GDAP2: variants seen among roughly 807,000 people sequenced by gnomAD.
GDAP2 encodes ganglioside induced differentiation associated protein 2, also known as ganglioside-induced differentiation-associated protein 2.
In GDAP2, 51 loss-of-function variants were observed where a neutral mutation model predicts 67.0. The ratio of observed to expected loss-of-function variants is 0.76; its 90% confidence interval spans 0.61 to 0.96. The LOEUF (loss-of-function observed/expected upper bound fraction) is 0.96. Ranked by LOEUF, GDAP2 falls within the 40% of genes least tolerant of loss-of-function variation. The pLI, the probability that GDAP2 is intolerant of heterozygous loss-of-function variation, is 0.00. For missense variants in GDAP2, 547 were observed against 588.3 expected, an observed-to-expected ratio of 0.93 and a Z score of 0.73; for synonymous variants, 203 against 207.3, an observed-to-expected ratio of 0.98 and a Z score of 0.18.
At chr1:117,871,577 C>T (rs149471762) in intron 13 of GDAP2, among the ~76,000 whole-genome samples, 213 of 152,190 alleles carry the variant, frequency 1.4e-3, no homozygotes, top group African/African-American at 4.1e-3. Context: ...TTAAACCTAC[C>T]GGGTCTTGAA....
intron 8 of GDAP2, among the ~76,000 whole-genome samples, chr1:117,893,760 T>C (rs565958457): frequency 6.6e-6 from 1 of 152,334 alleles, no homozygotes; most frequent in East Asian, 1.9e-4. Flanking sequence ...CTAAAACTTT[T>C]TGGTCTCAGG....
chr1:117,926,468 T>C (rs181990783), intron 1 of GDAP2, among the ~76,000 whole-genome samples: 2 of 152,234 alleles, frequency 1.3e-5, no homozygotes, highest in African/African-American at 4.8e-5. Flanking sequence ...ATAGCTCTTA[T>C]TGTAGGACAA....
intron 3 of GDAP2, among the ~76,000 whole-genome samples, chr1:117,914,529 A>T (rs1026393758): frequency 6.6e-6 from 1 of 152,168 alleles, no homozygotes; most frequent in Non-Finnish European, 1.5e-5. Context: ...GGAAATTATT[A>T]ATGAAATAAA....
At position 117,866,959 on chromosome 1, in the gene GDAP2, A is replaced by G. The variant is rs1212737359; in HGVS notation, c.*3610T>C. The G allele has an allele frequency of 6.6e-6, 1 of 152,150 alleles. No homozygotes were observed. Among genetic ancestry groups the G allele is most frequent in the Non-Finnish European group, 1.5e-5 (1 of 68,036 alleles). The allele number at this position is 152,150 out of a possible 1,614,324, so 9.4% of individuals were successfully genotyped here. ...TCCTGCAGTTCTTTTGGTCCTTAAT[A>G]CAATCAATCCACTGCCACTAGAACC... is the stretch of plus-strand genomic sequence containing the variant. On this transcript the variant is annotated 3_prime_UTR_variant, in exon 14 of 14. Transcript: ENST00000369443.
chr1:117,877,833 A>AT, intron 13 of GDAP2, 176 bp downstream of exon 13: 1 of 1,262,418 alleles, frequency 7.9e-7, no homozygotes, highest in East Asian at 3.0e-5. Flanking sequence ...CTTGGGACAA[A>AT]TCCTTTTCCT....
In GDAP2 at chr1:117,864,927, C is replaced by G. The variant is rs559173566; in HGVS notation, c.*5642G>C. The G allele has an allele frequency of 6.6e-5, 10 of 152,260 alleles. No homozygotes were observed. In the East Asian group the frequency reaches 1.9e-3, roughly 29 times the overall value. 9.4% of individuals were successfully genotyped at this position (152,260 alleles called of 1,614,324 possible). On this transcript the variant is annotated 3_prime_UTR_variant, in exon 14 of 14. Coordinates refer to ENST00000369443, the MANE Select transcript of GDAP2 (RefSeq NM_017686.4). Reference sequence around the variant, plus strand: ...CACAGGAAGAATTACAATGACAGTTCTGTCTCCTTTCCTTGAAAGAGAAAA... The same window carrying G: ...CACAGGAAGAATTACAATGACAGTTGTGTCTCCTTTCCTTGAAAGAGAAAA...
At chr1:117,877,155 A>T in intron 13 of GDAP2, 1 of 264,768 alleles carries the variant, frequency 3.8e-6, no homozygotes, top group Non-Finnish European at 5.8e-6. Context: ...AGATCACATT[A>T]TACACTTTAC....
chr1:117,899,561 C>G (rs896805233), intron 6 of GDAP2, among the ~76,000 whole-genome samples: 43 of 152,252 alleles, frequency 2.8e-4, no homozygotes, highest in African/African-American at 1.0e-3. Context: ...ACTTCCTTAA[C>G]CCTCAGTGTG....
intron 5 of GDAP2, among the ~76,000 whole-genome samples, chr1:117,908,876 T>C (rs779407396): frequency 6.6e-6 from 1 of 152,012 alleles, no homozygotes; most frequent in African/African-American, 2.4e-5. Context: ...CTGTTTCCTA[T>C]TTATTTGACA....
chr1:117,883,468 A>C lies in GDAP2; in HGVS notation c.1247+20T>G. On this transcript the variant is annotated intron_variant, in intron 11 of 13. Transcript: ENST00000369443. ...AAGAAAGAAACTATTTCCCCTTCATAATTTGCAAAAATAACTAACTTGACA... is the reference window on the plus strand; with the variant it reads ...AAGAAAGAAACTATTTCCCCTTCATCATTTGCAAAAATAACTAACTTGACA... 1 of 1,589,010 alleles carries C rather than the reference A, an allele frequency of 6.3e-7. No homozygotes were observed. Among genetic ancestry groups the C allele is most frequent in the Middle Eastern group, 1.7e-4 (1 of 5,994 alleles).
chr1:117,906,188 T>C (rs1324794608), intron 6 of GDAP2, among the ~76,000 whole-genome samples: 2 of 152,214 alleles, frequency 1.3e-5, no homozygotes, highest in Non-Finnish European at 2.9e-5. Context: ...TTTCCAGTTA[T>C]GCTCCCCAAA....
chr1:117,928,719 A>C (rs1650558869), intron 1 of GDAP2, among the ~76,000 whole-genome samples: 1 of 152,258 alleles, frequency 6.6e-6, no homozygotes, highest in Non-Finnish European at 1.5e-5. Flanking sequence ...TCTAATTTCT[A>C]GGCTGGCTGC....
In GDAP2 at chr1:117,866,862, GC is replaced by G. The variant is rs1345132617; in HGVS notation, c.*3706del. On this transcript the variant is annotated 3_prime_UTR_variant, in exon 14 of 14. Transcript: ENST00000369443. The stretch of plus-strand genomic sequence containing the variant: ...AAAAAAAAAAAAAAAGTACAGTAAG[GC>G]CCTTTAAAAAAAAAAAAGAAAAAGA... The G allele has an allele frequency of 6.8e-6, 1 of 147,402 alleles. No individual in the cohort carries two copies. Among genetic ancestry groups the G allele is most frequent in the African/African-American group, 2.5e-5 (1 of 39,858 alleles). 9.1% of individuals were successfully genotyped at this position (147,402 alleles called of 1,614,324 possible). A position where few individuals can be genotyped will look rare whatever the true frequency, so the allele number is the denominator to read the frequency against.
chr1:117,919,358 A>G (rs1650161934), intron 2 of GDAP2, among the ~76,000 whole-genome samples: 1 of 150,666 alleles, frequency 6.6e-6, no homozygotes, highest in Admixed American at 6.6e-5. Context: ...TGGGCGACAG[A>G]GCAAGACTCC....
At chr1:117,920,673 G>T (rs1489899506) in intron 1 of GDAP2, among the ~76,000 whole-genome samples, 1 of 151,146 alleles carries the variant, frequency 6.6e-6, no homozygotes, top group Non-Finnish European at 1.5e-5. Flanking sequence ...ATAATCACAG[G>T]CCCACCAATT....
chr1:117,900,142 T>C (rs992147882), intron 6 of GDAP2, among the ~76,000 whole-genome samples: 2 of 152,116 alleles, frequency 1.3e-5, no homozygotes, highest in Non-Finnish European at 2.9e-5. Flanking sequence ...CAAAATTCAG[T>C]GTTTGTTTTC....
intron 8 of GDAP2, among the ~76,000 whole-genome samples, chr1:117,896,332 G>GTTTT: frequency 6.6e-6 from 1 of 152,164 alleles, no homozygotes. Flanking sequence ...CTGCTTCTAT[G>GTTTT]TTTTTAAAAG....
At chr1:117,910,559 CATA>C (rs1227596806) in intron 5 of GDAP2, among the ~76,000 whole-genome samples, 1 of 152,142 alleles carries the variant, frequency 6.6e-6, no homozygotes, top group Non-Finnish European at 1.5e-5. Flanking sequence ...CTCCAGGCTA[CATA>C]ATAATAACTT....
At chr1:117,896,696 G>T in intron 8 of GDAP2, 137 bp downstream of exon 8, 1 of 566,846 alleles carries the variant, frequency 1.8e-6, no homozygotes, top group Non-Finnish European at 2.9e-6. Flanking sequence ...AAATGAGGAC[G>T]ATATCTTCCT....
Sources: gnomAD v4.1 joint callset for allele counts (sites outside exome capture counted in the v4.1 genomes callset) on GRCh38, gnomAD v4.1.1 for gene constraint, MANE v1.5 for transcripts, NCBI Gene and HGNC (gene_info 2026-07-23, HGNC 2026-07-21) for gene names.